Variants in RBAK observed in about 807,000 individuals in gnomAD.
RBAK encodes RB-associated KRAB zinc finger protein.
RBAK carries 39 observed loss-of-function variants against 65.8 expected under a neutral mutation model. The observed-to-expected ratio is 0.59, with a 90% CI of 0.46 to 0.77. The LOEUF (loss-of-function observed/expected upper bound fraction) is 0.77, where lower values mean the gene tolerates loss of function less well. Among genes scored for constraint, RBAK ranks in the 30% least tolerant of loss-of-function variants. The probability of loss-of-function intolerance (pLI) is 0.00; values close to 1 mark genes in which losing one functional copy is unlikely to be tolerated. For synonymous variants in RBAK, 343 were observed against 289.7 expected, an observed-to-expected ratio of 1.18 and a Z score of -1.87; for missense variants, 884 against 855.1, an observed-to-expected ratio of 1.03 and a Z score of -0.42.
Position 5,046,079 on chromosome 7 carries a change from G to A in RBAK, c.-362G>A. The A allele has an allele frequency of 9.8e-6, 3 of 307,164 alleles. No individual in the cohort carries two copies. Among genetic ancestry groups the A allele is most frequent in the Non-Finnish European group, 1.2e-5 (2 of 162,200 alleles). 19.0% of individuals were successfully genotyped at this position (307,164 alleles called of 1,614,324 possible). On this transcript the variant is annotated 5_prime_UTR_variant, in exon 1 of 5. Transcript: ENST00000396912. ...TGAGCCCCGGAGCCGGCGGCGCTGG[G>A]GCCAGAGGGGCCGGACGGGAGGTGG...
chr7:5,057,198 A>G lies in RBAK; in HGVS notation c.16-97A>G, dbSNP rs562418561. 7.9e-5 allele frequency: 125 copies of G among 1,583,498 alleles called. No homozygotes were observed. The Middle Eastern group carries it at 8.6e-4, about 11-fold the overall frequency. ...TAATCTGTAACATAAAATAAGGTAT[A>G]CAATGTTTATGGTTAACTTTACCGG... is the stretch of plus-strand genomic sequence containing the variant. On this transcript the variant is annotated intron_variant, in intron 2 of 4. Coordinates refer to ENST00000396912, the MANE Select transcript of RBAK (RefSeq NM_021163.4).
chr7:5,065,504 A>AT lies in RBAK; in HGVS notation c.2048_2049insT (p.Glu683AspfsTer14). 6.2e-7 allele frequency: 1 copy of AT among 1,607,014 alleles called. No individual in the cohort carries two copies. Among genetic ancestry groups the AT allele is most frequent in the Non-Finnish European group, 8.5e-7 (1 of 1,177,124 alleles). On this transcript the variant is annotated frameshift_variant, in exon 5 of 5. Transcript: ENST00000396912. LOFTEE classifies it high-confidence loss of function. The surrounding 1 kb of genome is among the most constrained non-coding windows in gnomAD (Gnocchi z 5.3). ...GGAGAGAAACCCTATGAATGTAACG[A>AT]GTGTGGGAAAAAATTCCACCACAGA...
At chr7:5,049,872 C>T (rs1450432549) in intron 2 of RBAK, among the ~76,000 whole-genome samples, 1 of 152,076 alleles carries the variant, frequency 6.6e-6, no homozygotes, top group Non-Finnish European at 1.5e-5. Context: ...CGCAAGCTGC[C>T]ACACCCGACT....
At chr7:5,058,632 T>C (rs1562537275) in intron 4 of RBAK, among the ~76,000 whole-genome samples, 1 of 152,184 alleles carries the variant, frequency 6.6e-6, no homozygotes, top group Non-Finnish European at 1.5e-5. Flanking sequence ...TGTGACGCTA[T>C]AGCACTCCCT....
chr7:5,046,499 G>A (rs767799437), intron 1 of RBAK, 103 bp downstream of exon 1: 54 of 393,992 alleles, frequency 1.4e-4, no homozygotes, highest in Non-Finnish European at 2.3e-4. Context: ...TCGATCGCTT[G>A]CAGGAGAGAC....
chr7:5,058,983 A>G (rs1779004569), intron 4 of RBAK, among the ~76,000 whole-genome samples: 1 of 152,168 alleles, frequency 6.6e-6, no homozygotes, highest in Non-Finnish European at 1.5e-5. Flanking sequence ...GTTACCAGGG[A>G]GATAGTTCAC....
chr7:5,065,093 A>G lies in RBAK; in HGVS notation c.1637A>G (p.Lys546Arg). 2 of 1,614,104 alleles carry G rather than the reference A, an allele frequency of 1.2e-6. No homozygotes were observed. Among genetic ancestry groups the G allele is most frequent in the Non-Finnish European group, 1.7e-6 (2 of 1,179,992 alleles). The change falls in exon 5 of 5, where the codon AAG (lysine) becomes AGG (arginine). Residue 546 changes from lysine (K) to arginine (R), a missense_variant. Transcript: ENST00000396912. The surrounding 1 kb of genome is among the most constrained non-coding windows in gnomAD (Gnocchi z 5.3). ...EKSYECNVCG[K>R]LFNELSYYTE... is the part of the protein sequence containing the mutation. The stretch of plus-strand genomic sequence containing the variant: ...TCCTATGAATGTAATGTATGTGGAA[A>G]GTTATTCAATGAGTTGTCATACTAT...
chr7:5,057,547 A>G, intron 3 of RBAK, 126 bp downstream of exon 3: 1 of 1,592,650 alleles, frequency 6.3e-7, no homozygotes, highest in Non-Finnish European at 8.6e-7. Context: ...ATTATTATTC[A>G]TTGAAAGGTT....
chr7:5,047,413 C>T (rs555959381), intron 1 of RBAK, among the ~76,000 whole-genome samples: 4 of 151,976 alleles, frequency 2.6e-5, no homozygotes, highest in African/African-American at 9.6e-5. Context: ...AACAGACAAA[C>T]CACAAAAAAC....
At position 5,065,681 on chromosome 7, in the gene RBAK, A is replaced by C; in HGVS notation, c.*80A>C. ...AATAGGAAGTCAAAGCGTTTATCTG[A>C]GAGTTCGTGTTCCTGAACGGTGAGA... On this transcript the variant is annotated 3_prime_UTR_variant, in exon 5 of 5. Coordinates refer to ENST00000396912, the MANE Select transcript of RBAK (RefSeq NM_021163.4). The surrounding 1 kb of genome is among the most constrained non-coding windows in gnomAD (Gnocchi z 5.3). 9.2e-7 allele frequency: 1 copy of C among 1,090,658 alleles called. No individual in the cohort carries two copies. Among genetic ancestry groups the C allele is most frequent in the East Asian group, 2.6e-5 (1 of 38,484 alleles). 67.6% of individuals were successfully genotyped at this position (1,090,658 alleles called of 1,614,324 possible).
In RBAK at chr7:5,064,486, C is replaced by T. The variant is rs1779164880; in HGVS notation, c.1030C>T (p.Pro344Ser). 1 of 1,613,906 alleles carries T rather than the reference C, an allele frequency of 6.2e-7. No individual in the cohort carries two copies. Among genetic ancestry groups the T allele is most frequent in the Non-Finnish European group, 8.5e-7 (1 of 1,179,972 alleles). ...QHLRTHSGEK[P>S]YECSECGKTF... ...CCTAAGAACTCATTCAGGAGAGAAA[C>T]CCTACGAATGTAGCGAATGTGGGAA... is the stretch of plus-strand genomic sequence containing the variant. The change falls in exon 5 of 5, where the codon CCC (proline) becomes TCC (serine). Residue 344 changes from proline to serine, a missense_variant. By Grantham distance (74) the Pro-to-Ser change is moderately conservative. Coordinates refer to ENST00000396912, the MANE Select transcript of RBAK (RefSeq NM_021163.4). This position sits in a 1 kb window ranked among gnomAD's most constrained non-coding sequence, Gnocchi z 6.3.
At chr7:5,056,822 AGTG>A in intron 2 of RBAK, among the ~76,000 whole-genome samples, 1 of 152,112 alleles carries the variant, frequency 6.6e-6, no homozygotes, top group Admixed American at 6.6e-5. Context: ...CCAGGAGCTG[AGTG>A]GTGGGCACTC....
intron 2 of RBAK, among the ~76,000 whole-genome samples, chr7:5,049,954 G>T (rs1467246926): frequency 6.6e-6 from 1 of 151,982 alleles, no homozygotes; most frequent in African/African-American, 2.4e-5. Context: ...CCTGAGCTCA[G>T]GCAGTCTGCC....
chr7:5,051,519 G>A (rs769996946), intron 2 of RBAK, among the ~76,000 whole-genome samples: 17 of 152,068 alleles, frequency 1.1e-4, no homozygotes, highest in Non-Finnish European at 2.2e-4. Flanking sequence ...TATCTAAACT[G>A]TAGTTCATTT....
chr7:5,045,886 A>C lies in RBAK; in HGVS notation c.-555A>C, dbSNP rs1179405010. The C allele has an allele frequency of 2.9e-6, 1 of 346,596 alleles. No homozygotes were observed. The highest frequency in any genetic ancestry group is 2.1e-5 in the South Asian group (1 of 47,972). 21.5% of individuals were successfully genotyped at this position (346,596 alleles called of 1,614,324 possible). ...CTGCCCTCGCTTCCTGTGCGTCCTC[A>C]GGTCACCGCTTGCTCTAGTTCCCAG... On this transcript the variant is annotated 5_prime_UTR_variant, in exon 1 of 5. Coordinates refer to ENST00000396912, the MANE Select transcript of RBAK (RefSeq NM_021163.4).
At position 5,068,873 on chromosome 7, in the gene RBAK, G is replaced by T. The variant is rs115733725; in HGVS notation, c.*3272G>T. On this transcript the variant is annotated 3_prime_UTR_variant, in exon 5 of 5. Transcript: ENST00000396912. ...ATGAACTAGAAGTCCGTGTAATAACGCAGCTGAATTTAACAAACCTTGCTG... is the reference window on the plus strand; with the variant it reads ...ATGAACTAGAAGTCCGTGTAATAACTCAGCTGAATTTAACAAACCTTGCTG... The T allele has an allele frequency of 6.6e-6, 1 of 152,178 alleles. No individual in the cohort carries two copies. The highest frequency in any genetic ancestry group is 1.5e-5 in the Non-Finnish European group (1 of 68,030). 9.4% of individuals were successfully genotyped at this position (152,178 alleles called of 1,614,324 possible). A position where few individuals can be genotyped will look rare whatever the true frequency, so the allele number is the denominator to read the frequency against.
Position 5,065,381 on chromosome 7 carries a change from A to G in RBAK, c.1925A>G (p.Tyr642Cys). 6.2e-7 allele frequency: 1 copy of G among 1,613,672 alleles called. No individual in the cohort carries two copies. The highest frequency in any genetic ancestry group is 8.5e-7 in the Non-Finnish European group (1 of 1,179,784). The change falls in exon 5 of 5, where the codon TAC (tyrosine) becomes TGC (cysteine). Residue 642 changes from tyrosine to cysteine, a missense_variant. Transcript: ENST00000396912. This position sits in a 1 kb window ranked among gnomAD's most constrained non-coding sequence, Gnocchi z 5.3. ...FSRMSNLTVHYRSHSGEKPYE... is the reference protein window; with the variant it reads ...FSRMSNLTVHCRSHSGEKPYE... ...CGGATGTCAAACCTCACTGTCCACTACAGAAGCCATTCAGGAGAGAAACCC... is the reference window on the plus strand; with the variant it reads ...CGGATGTCAAACCTCACTGTCCACTGCAGAAGCCATTCAGGAGAGAAACCC...
chr7:5,063,543 A>G (rs1333993379), intron 4 of RBAK, 152 bp from the exon 5 acceptor site: 1 of 587,278 alleles, frequency 1.7e-6, no homozygotes, highest in Non-Finnish European at 2.9e-6. Context: ...ACCAAAGGAA[A>G]AAGAGAACTA....
intron 2 of RBAK, among the ~76,000 whole-genome samples, chr7:5,050,417 G>A (rs755693658): frequency 7.2e-5 from 11 of 152,110 alleles, no homozygotes; most frequent in African/African-American, 1.4e-4. Flanking sequence ...TGTACCGTAC[G>A]TGGCATTTGT....
Sources: allele counts gnomAD v4.1 joint callset (sites outside exome capture counted in the v4.1 genomes callset), GRCh38; gene constraint gnomAD v4.1.1; non-coding constraint Gnocchi (gnomAD v3.1); transcripts MANE v1.5; gene names NCBI Gene and HGNC (gene_info 2026-07-23, HGNC 2026-07-21).